VPS13A: variants seen among roughly 807,000 people sequenced by gnomAD.
VPS13A encodes the protein vacuolar protein sorting 13 homolog A, also known as intermembrane lipid transfer protein VPS13A.
Under a neutral mutation model 390.9 loss-of-function variants are expected in VPS13A, and 264 were observed. That is an observed-to-expected ratio of 0.68 (90% CI 0.61 to 0.75). The LOEUF (loss-of-function observed/expected upper bound fraction) is 0.75. Ranked by LOEUF, VPS13A falls within the 30% of genes least tolerant of loss-of-function variation. The pLI, the probability that VPS13A is intolerant of heterozygous loss-of-function variation, is 0.00. For synonymous variants in VPS13A, 1,231 were observed against 1,227.1 expected (o/e 1.00, Z -0.07); for missense variants, 3,409 against 3,733.9 (o/e 0.91, Z 2.27).
intron 19 of VPS13A, among the ~76,000 whole-genome samples, chr9:77,239,361 C>T (rs1824334508): frequency 6.6e-6 from 1 of 151,562 alleles, no homozygotes. Flanking sequence ...GACAGAGCAA[C>T]ACCCTGCCAC....
chr9:77,339,818 C>T lies in VPS13A; in HGVS notation c.6681C>T (p.Tyr2227=). 1 of 1,614,024 alleles carries T rather than the reference C, an allele frequency of 6.2e-7. No individual in the cohort carries two copies. Among genetic ancestry groups the T allele is most frequent in the East Asian group, 2.2e-5 (1 of 44,864 alleles). ...ATAAAACTGGCCGCATGTTACAGTA[C>T]AAAGCAGACGGAATTCATCGAAAGC... is the stretch of plus-strand genomic sequence containing the variant. ...MVNKTGRMLQ[Y]KADGIHRKHP... The change falls in exon 48 of 72, where the codon TAC becomes TAT. Residue 2227 remains tyrosine, a synonymous_variant. Transcript: ENST00000360280.
At chr9:77,399,185 AAAAAAAAAAAAAAAAAAAAAC>A (rs1563990822) in intron 68 of VPS13A, among the ~76,000 whole-genome samples, 15 of 138,256 alleles carry the variant, frequency 1.1e-4, no homozygotes, top group African/African-American at 2.5e-4. Context: ...AAAAAATAAA[AAAAAAAAAAAAAAAAAAAAAC>A]AAAGGATACG....
At chr9:77,349,837 T>C (rs147657612) in intron 52 of VPS13A, among the ~76,000 whole-genome samples, 26 of 152,116 alleles carry the variant, frequency 1.7e-4, no homozygotes, top group African/African-American at 6.0e-4. Flanking sequence ...AGAGACAGGG[T>C]TTCACCATGT....
At chr9:77,243,545 G>A (rs1824628033) in intron 19 of VPS13A, among the ~76,000 whole-genome samples, 1 of 152,086 alleles carries the variant, frequency 6.6e-6, no homozygotes, top group Admixed American at 6.5e-5. Flanking sequence ...CTTTGTCTCT[G>A]GCAGGAAAAC....
rs1273815381 is a variant in VPS13A at position 77,210,183 on chromosome 9, CTT to C, written c.496-431_496-430del. On this transcript the variant is annotated intron_variant, in intron 6 of 71. Coordinates refer to ENST00000360280, the MANE Select transcript of VPS13A (RefSeq NM_033305.3). ...TCCCTCTCTCTCTCTCTCTCTCTCT[CTT>C]TCTCTTTCTCTCTTTCTTTCTCTTC... Among the ~76,000 whole-genome samples the C allele has an allele frequency of 2.6e-3, 296 of 115,210 alleles. 4 individuals are homozygous for C. The highest frequency in any genetic ancestry group is 7.8e-3 in the African/African-American group (236 of 30,112). 75.6% of individuals were successfully genotyped at this position (115,210 alleles called of 152,430 possible).
In VPS13A at chr9:77,262,050, T is replaced by A. The variant is rs527287547; in HGVS notation, c.2427+1826T>A. Among the ~76,000 whole-genome samples, 10 of 152,356 alleles carry A rather than the reference T, an allele frequency of 6.6e-5. No individual in the cohort carries two copies. In the South Asian group the frequency reaches 2.1e-3, roughly 32 times the overall value. ...AACATACTTTCCTAAGTTTACTATT[T>A]TAATTTCTGTTTTTGGAAACTGCTG... is the stretch of plus-strand genomic sequence containing the variant. On this transcript the variant is annotated intron_variant, in intron 23 of 71. Coordinates refer to ENST00000360280, the MANE Select transcript of VPS13A (RefSeq NM_033305.3).
intron 22 of VPS13A, among the ~76,000 whole-genome samples, chr9:77,258,955 G>A (rs900877252): frequency 6.6e-6 from 1 of 152,122 alleles, no homozygotes; most frequent in South Asian, 2.1e-4. Context: ...TGCTCTGTCA[G>A]TATATGCTTA....
At chr9:77,228,334 A>G in intron 17 of VPS13A, 70 bp downstream of exon 17, 3 of 1,427,018 alleles carry the variant, frequency 2.1e-6, no homozygotes, top group Non-Finnish European at 2.8e-6. Flanking sequence ...ATTAGGTCAC[A>G]ATCTTAGTCT....
In VPS13A at chr9:77,348,307, A is replaced by G. The variant is rs544593745; in HGVS notation, c.7290-3010A>G. Among the ~76,000 whole-genome samples the G allele has an allele frequency of 1.9e-3, 286 of 152,284 alleles. 1 individual carries two copies. Among genetic ancestry groups the G allele is most frequent in the African/African-American group, 6.4e-3 (264 of 41,554 alleles). ...CTATGCAGCCGTAAAAAGGAACGAG[A>G]TCATTCCTTTGCAAGGACATGGATG... On this transcript the variant is annotated intron_variant, in intron 52 of 71. Transcript: ENST00000360280.
At chr9:77,342,529 G>A (rs1471196318) in intron 50 of VPS13A, among the ~76,000 whole-genome samples, 2 of 152,062 alleles carry the variant, frequency 1.3e-5, no homozygotes, top group African/African-American at 4.8e-5. Flanking sequence ...AACATGGGTG[G>A]TTGAGATAGT....
In VPS13A at chr9:77,376,248, A is replaced by G. The variant is rs7853908; in HGVS notation, c.9077+5099A>G. ...AACGGGGAAAGTTGAAGAAGATGTT[A>G]CCAGGGAACATGCGGGGAATCACAT... On this transcript the variant is annotated intron_variant, in intron 67 of 71. Coordinates refer to ENST00000360280, the MANE Select transcript of VPS13A (RefSeq NM_033305.3). Among the ~76,000 whole-genome samples the G allele has an allele frequency of 2.8e-3, 429 of 152,296 alleles. 3 individuals are homozygous for G. Among genetic ancestry groups the G allele is most frequent in the African/African-American group, 0.01 (417 of 41,556 alleles).
At position 77,378,426 on chromosome 9, in the gene VPS13A, T is replaced by A. The variant is rs148006454; in HGVS notation, c.9078-3550T>A. ...ATCTAGATGTTCTAATTTGTTGATA[T>A]ATATTTATTGATCATAGTAAATATT... On this transcript the variant is annotated intron_variant, in intron 67 of 71. Transcript: ENST00000360280. Among the ~76,000 whole-genome samples the A allele has an allele frequency of 6.0e-3, 918 of 152,270 alleles. 2 individuals are homozygous for A. Among genetic ancestry groups the A allele is most frequent in the African/African-American group, 0.02 (828 of 41,570 alleles).
At chr9:77,413,285 C>G (rs917029030) in intron 71 of VPS13A, among the ~76,000 whole-genome samples, 3 of 152,216 alleles carry the variant, frequency 2.0e-5, no homozygotes, top group Non-Finnish European at 4.4e-5. Flanking sequence ...ATCGCCAAGT[C>G]AATCCTAAGC....
Position 77,252,345 on chromosome 9 carries a change from A to T in VPS13A, c.2281A>T (p.Met761Leu), listed in dbSNP as rs756106056. 8 of 1,608,962 alleles carry T rather than the reference A, an allele frequency of 5.0e-6. No homozygotes were observed. Residue 761 changes from methionine (M) to leucine (L), a missense_variant, in exon 22 of 72, where the codon ATG (methionine) becomes TTG (leucine). Transcript: ENST00000360280. ...SKAMVFMDVR[M>L]PKFKIYGKLP... The stretch of plus-strand genomic sequence containing the variant: ...GGCCATGGTTTTCATGGATGTAAGG[A>T]TGCCCAAGTATGTACTGTTTGTTTC...
At chr9:77,258,867 G>T (rs967030094) in intron 22 of VPS13A, among the ~76,000 whole-genome samples, 1 of 152,018 alleles carries the variant, frequency 6.6e-6, no homozygotes, top group African/African-American at 2.4e-5. Flanking sequence ...TATAATCTTG[G>T]AAGTTACAGG....
In VPS13A at chr9:77,229,591, G is replaced by A. The variant is rs543762127; in HGVS notation, c.1595+1327G>A. ...TGATGTTTTCAAGGTTCATCCTGTT[G>A]TAGCATGAATTAGTACATTCCTTTT... is the stretch of plus-strand genomic sequence containing the variant. On this transcript the variant is annotated intron_variant, in intron 17 of 71. Coordinates refer to ENST00000360280, the MANE Select transcript of VPS13A (RefSeq NM_033305.3). Among the ~76,000 whole-genome samples the A allele has an allele frequency of 3.3e-5, 5 of 152,302 alleles. 1 individual carries two copies. In the South Asian group the frequency reaches 1.0e-3, roughly 32 times the overall value.
chr9:77,195,376 G>A (rs915534809), intron 1 of VPS13A, among the ~76,000 whole-genome samples: 4 of 152,002 alleles, frequency 2.6e-5, no homozygotes, highest in African/African-American at 7.2e-5. Flanking sequence ...TGCCTGCTTC[G>A]GCCTCCCAAA....
At chr9:77,360,706 A>G in intron 59 of VPS13A, 65 bp downstream of exon 59, 1 of 1,247,074 alleles carries the variant, frequency 8.0e-7, no homozygotes, top group Non-Finnish European at 1.2e-6. Flanking sequence ...ATAAATTTTT[A>G]AAGGTATTAA....
intron 1 of VPS13A, among the ~76,000 whole-genome samples, chr9:77,196,662 ATTGTT>A (rs995676350): frequency 2.7e-5 from 4 of 148,648 alleles, no homozygotes; most frequent in African/African-American, 9.9e-5. Flanking sequence ...ACAAGATTAT[ATTGTT>A]TTGTTTTGTT....
Sources: allele counts gnomAD v4.1 joint callset (sites outside exome capture counted in the v4.1 genomes callset), GRCh38; gene constraint gnomAD v4.1.1; transcripts MANE v1.5; gene names NCBI Gene and HGNC (gene_info 2026-07-23, HGNC 2026-07-21).